Variants in XKR4 observed in about 807,000 individuals in gnomAD.
XKR4 encodes the protein XK related 4.
Under a neutral mutation model 53.9 loss-of-function variants are expected in XKR4, and 12 were observed. The observed-to-expected ratio is 0.22, with a 90% confidence interval of 0.14 to 0.36. The LOEUF (loss-of-function observed/expected upper bound fraction) is 0.36. XKR4 is among the 10% of genes least tolerant of loss of function. The pLI, the probability that XKR4 is intolerant of heterozygous loss-of-function variation, is 1.00. For missense variants in XKR4, 799 were observed against 859.5 expected (o/e 0.93, Z 0.88); for synonymous variants, 354 against 362.4 (o/e 0.98, Z 0.26).
intron 2 of XKR4, among the ~76,000 whole-genome samples, chr8:55,501,382 T>A (rs1806432996): frequency 6.6e-6 from 1 of 152,188 alleles, no homozygotes; most frequent in African/African-American, 2.4e-5. Flanking sequence ...TGTGAGACAT[T>A]CACTACCATC....
In XKR4 at chr8:55,428,248, C is replaced by T. The variant is rs147967224; in HGVS notation, c.1006+70371C>T. On this transcript the variant is annotated intron_variant, in intron 2 of 2. Transcript: ENST00000327381. ...AGCAAGACCAGACAGGGACTTTTGGCGCCCAATGATCAACATAGCAAAGAG... is the reference window on the plus strand; with the variant it reads ...AGCAAGACCAGACAGGGACTTTTGGTGCCCAATGATCAACATAGCAAAGAG... Among the ~76,000 whole-genome samples the T allele has an allele frequency of 2.2e-4, 34 of 152,224 alleles. No homozygotes were observed. In the East Asian group the frequency reaches 6.4e-3, roughly 28 times the overall value.
At chr8:55,293,410 T>C (rs542770532) in intron 1 of XKR4, among the ~76,000 whole-genome samples, 2 of 152,248 alleles carry the variant, frequency 1.3e-5, no homozygotes, top group South Asian at 2.1e-4. Flanking sequence ...TGCGAAATTA[T>C]AAATGTTCAG....
At chr8:55,353,117 AGG>A (rs775796999) in intron 1 of XKR4, among the ~76,000 whole-genome samples, 9 of 152,226 alleles carry the variant, frequency 5.9e-5, no homozygotes, top group Non-Finnish European at 1.0e-4. Context: ...ATCATTAAAC[AGG>A]GGAGGAGAAG....
At chr8:55,304,827 T>C (rs1819267694) in intron 1 of XKR4, among the ~76,000 whole-genome samples, 1 of 152,118 alleles carries the variant, frequency 6.6e-6, no homozygotes, top group Non-Finnish European at 1.5e-5. Flanking sequence ...ACCCCTGCCT[T>C]TTTTTGTTTT....
intron 1 of XKR4, among the ~76,000 whole-genome samples, chr8:55,324,025 A>G (rs957369348): frequency 6.6e-6 from 1 of 152,090 alleles, no homozygotes; most frequent in African/African-American, 2.4e-5. Flanking sequence ...TTTATCTTAT[A>G]TAGTACAGTT....
chr8:55,216,122 A>G (rs1817793949), intron 1 of XKR4, among the ~76,000 whole-genome samples: 1 of 152,264 alleles, frequency 6.6e-6, no homozygotes, highest in South Asian at 2.1e-4. Context: ...TTAAGTGGAT[A>G]TATACTATAT....
chr8:55,473,855 T>A (rs1368937160), intron 2 of XKR4, among the ~76,000 whole-genome samples: 1 of 151,770 alleles, frequency 6.6e-6, no homozygotes, highest in African/African-American at 2.4e-5. Flanking sequence ...TCTTCCTTCC[T>A]GTCTCTCTCC....
At chr8:55,300,409 C>G (rs1199820669) in intron 1 of XKR4, among the ~76,000 whole-genome samples, 2 of 152,062 alleles carry the variant, frequency 1.3e-5, no homozygotes, top group African/African-American at 4.8e-5. Flanking sequence ...AAGTTTATTT[C>G]TGGGTGATGA....
rs1807013574 is a variant in XKR4, at chr8:55,535,206, A to G, written c.*10979A>G. On this transcript the variant is annotated 3_prime_UTR_variant, in exon 3 of 3. Coordinates refer to ENST00000327381, the MANE Select transcript of XKR4 (RefSeq NM_052898.2). ...ACAAAAAGTGGTCTACCACCATGTG[A>G]CTTATTTTCTTTTTTTTTTTAATTT... 1 of 114,944 alleles carries G rather than the reference A, an allele frequency of 8.7e-6. No homozygotes were observed. The allele number at this position is 114,944 out of a possible 1,614,324, so 7.1% of individuals were successfully genotyped here.
At chr8:55,210,145 CGT>C (rs1817711875) in intron 1 of XKR4, among the ~76,000 whole-genome samples, 2 of 150,026 alleles carry the variant, frequency 1.3e-5, no homozygotes, top group Non-Finnish European at 2.9e-5. Context: ...AGTGCAGTGG[CGT>C]GATCTTGGCT....
At chr8:55,103,851 G>GTATGTATATATATATA (rs1816096019) in intron 1 of XKR4, among the ~76,000 whole-genome samples, 1 of 106,018 alleles carries the variant, frequency 9.4e-6, no homozygotes, top group Non-Finnish European at 1.9e-5. Flanking sequence ...AAATGACTTT[G>GTATGTATATATATATA]TATATATATA....
intron 2 of XKR4, among the ~76,000 whole-genome samples, chr8:55,491,659 T>TTTC (rs1806274487): frequency 6.6e-6 from 1 of 151,884 alleles, no homozygotes; most frequent in Admixed American, 6.6e-5. Flanking sequence ...TGTTTGTTTT[T>TTTC]TATTGCTGGG....
intron 2 of XKR4, among the ~76,000 whole-genome samples, chr8:55,491,835 G>A (rs2929018): frequency 0.42 from 63,121 of 151,716 alleles, 14,501 homozygotes; most frequent in African/African-American, 0.62. Context: ...TATCACAACC[G>A]TATGTAAGCT....
At chr8:55,174,843 G>A (rs1030206438) in intron 1 of XKR4, among the ~76,000 whole-genome samples, 5 of 152,180 alleles carry the variant, frequency 3.3e-5, no homozygotes, top group African/African-American at 9.7e-5. Flanking sequence ...ATCTCATGGA[G>A]CAGCGTGTGT....
intron 2 of XKR4, among the ~76,000 whole-genome samples, chr8:55,361,054 A>T (rs563029186): frequency 3.9e-5 from 6 of 152,298 alleles, no homozygotes; most frequent in African/African-American, 1.4e-4. Context: ...GTCACATTGG[A>T]CATATTACAG....
chr8:55,157,262 T>C (rs1816920298), intron 1 of XKR4, among the ~76,000 whole-genome samples: 1 of 152,182 alleles, frequency 6.6e-6, no homozygotes, highest in Non-Finnish European at 1.5e-5. Flanking sequence ...AGCTTCAAAG[T>C]GGAACTTATT....
intron 2 of XKR4, among the ~76,000 whole-genome samples, chr8:55,359,529 C>T (rs1172043206): frequency 6.6e-6 from 1 of 152,178 alleles, no homozygotes; most frequent in Non-Finnish European, 1.5e-5. Context: ...ATTTAGTGCT[C>T]ATCTCCAGAA....
At chr8:55,207,847 T>G (rs1006352472) in intron 1 of XKR4, among the ~76,000 whole-genome samples, 1 of 152,076 alleles carries the variant, frequency 6.6e-6, no homozygotes, top group African/African-American at 2.4e-5. Context: ...GATTTTAGGG[T>G]GTCTAGACCT....
intron 1 of XKR4, 92 bp from the exon 2 acceptor site, chr8:55,357,586 A>T: frequency 7.5e-7 from 1 of 1,339,674 alleles, no homozygotes; most frequent in South Asian, 1.3e-5. Context: ...GCTTGCTTGC[A>T]TATGGTGGCT....
Sources: gnomAD v4.1 joint callset for allele counts (sites outside exome capture counted in the v4.1 genomes callset) on GRCh38, gnomAD v4.1.1 for gene constraint, MANE v1.5 for transcripts, NCBI Gene and HGNC (gene_info 2026-07-23, HGNC 2026-07-21) for gene names.